Variants in SCGN observed in about 807,000 individuals in gnomAD.
SCGN encodes secretagogin, EF-hand calcium binding protein.
In SCGN, 30 loss-of-function variants were observed where a neutral mutation model predicts 39.7. The observed-to-expected ratio is 0.76, with a 90% CI of 0.57 to 1.03. The LOEUF is 1.03. Among genes scored for constraint, SCGN ranks in the 50% least tolerant of loss-of-function variants. SCGN has a pLI of 0.00. For missense variants in SCGN, 353 were observed against 349.4 expected (o/e 1.01, Z -0.08); for synonymous variants, 106 against 114.1 (o/e 0.93, Z 0.45).
At chr6:25,686,938 T>C (rs945269644) in intron 7 of SCGN, among the ~76,000 whole-genome samples, 2 of 152,134 alleles carry the variant, frequency 1.3e-5, no homozygotes, top group African/African-American at 4.8e-5. Context: ...CCCAACACCA[T>C]TTCTTGAATA....
intron 9 of SCGN, among the ~76,000 whole-genome samples, chr6:25,690,534 A>ATG (rs761921138): frequency 1.3e-5 from 2 of 152,180 alleles, no homozygotes; most frequent in Non-Finnish European, 2.9e-5. Flanking sequence ...TATTTTATAG[A>ATG]TGTTCATATT....
intron 10 of SCGN, among the ~76,000 whole-genome samples, chr6:25,696,975 TA>T (rs1759847186): frequency 6.6e-6 from 1 of 152,142 alleles, no homozygotes; most frequent in Admixed American, 6.5e-5. Context: ...TTGTTAGATA[TA>T]AAAGAATGTG....
In SCGN at chr6:25,669,394, A is replaced by G. The variant is rs556782080; in HGVS notation, c.337-117A>G. On this transcript the variant is annotated intron_variant, in intron 4 of 10. Coordinates refer to ENST00000377961, the MANE Select transcript of SCGN (RefSeq NM_006998.4). ...CAAAGAAAGCCTAAAGTTTCCATCA[A>G]AAGTGGAATTTCCATTCAGTTAAGT... 2.2e-4 allele frequency: 197 copies of G among 890,580 alleles called. 3 individuals are homozygous for G. In the South Asian group the frequency reaches 3.2e-3, roughly 15 times the overall value. The allele number at this position is 890,580 out of a possible 1,614,324, so 55.2% of individuals were successfully genotyped here.
Position 25,661,589 on chromosome 6 carries a change from A to G in SCGN, c.191A>G (p.Gln64Arg), listed in dbSNP as rs201621568. ...VMKANLHKVK[Q>R]QFMTTQDASK... ...AAAGCAAATTTGCACAAGGTGAAAC[A>G]GCAGTTTATGACTACCCAAGATGCC... is the stretch of plus-strand genomic sequence containing the variant. The change falls in exon 3 of 11, where the codon CAG becomes CGG. Residue 64 changes from glutamine to arginine, a missense_variant. Coordinates refer to ENST00000377961, the MANE Select transcript of SCGN (RefSeq NM_006998.4). The G allele has an allele frequency of 5.5e-5, 89 of 1,613,692 alleles. No homozygotes were observed. The highest frequency in any genetic ancestry group is 7.0e-5 in the Non-Finnish European group (82 of 1,179,786).
intron 2 of SCGN, among the ~76,000 whole-genome samples, chr6:25,656,169 C>T (rs1760223894): frequency 6.6e-6 from 1 of 152,202 alleles, no homozygotes; most frequent in Non-Finnish European, 1.5e-5. Flanking sequence ...AGTTGAGGAA[C>T]AGTCACCATT....
intron 3 of SCGN, among the ~76,000 whole-genome samples, chr6:25,662,034 T>A (rs116575751): frequency 0.018 from 2,732 of 152,284 alleles, 37 homozygotes; most frequent in Middle Eastern, 0.037. Flanking sequence ...AGGTTAAACT[T>A]CAGCATCAGC....
Position 25,652,291 on chromosome 6 carries a change from C to G in SCGN, c.-113C>G. The G allele has an allele frequency of 2.4e-6, 2 of 843,492 alleles. No individual in the cohort carries two copies. The allele number at this position is 843,492 out of a possible 1,614,324, so 52.3% of individuals were successfully genotyped here. A position where few individuals can be genotyped will look rare whatever the true frequency, so the allele number is the denominator to read the frequency against. ...CCTCCCCAGCAACAGTTACTCAAAG[C>G]TAATCAGATAGCGAAAGAAGCAGGA... On this transcript the variant is annotated 5_prime_UTR_variant, in exon 1 of 11. Coordinates refer to ENST00000377961, the MANE Select transcript of SCGN (RefSeq NM_006998.4).
chr6:25,658,133 G>A (rs943863503), intron 2 of SCGN, among the ~76,000 whole-genome samples: 2 of 141,016 alleles, frequency 1.4e-5, no homozygotes, highest in Admixed American at 7.7e-5. Context: ...TCCGCCTCAC[G>A]GGTTCAAGCT....
At chr6:25,693,829 T>G (rs1023959946) in intron 10 of SCGN, among the ~76,000 whole-genome samples, 20 of 152,204 alleles carry the variant, frequency 1.3e-4, no homozygotes, top group South Asian at 2.1e-4. Context: ...GATTCTAGGC[T>G]GACCCCCTGG....
intron 4 of SCGN, among the ~76,000 whole-genome samples, chr6:25,666,605 TA>T (rs1760428685): frequency 6.6e-6 from 1 of 152,216 alleles, no homozygotes; most frequent in Non-Finnish European, 1.5e-5. Context: ...GCAGATTCAT[TA>T]GAGAAAAACT....
At chr6:25,658,125 C>T (rs151157404) in intron 2 of SCGN, among the ~76,000 whole-genome samples, 9 of 141,538 alleles carry the variant, frequency 6.4e-5, no homozygotes, top group South Asian at 2.3e-4. Context: ...TTGCAACCTC[C>T]GCCTCACGGG....
At position 25,670,069 on chromosome 6, in the gene SCGN, G is replaced by A; in HGVS notation, c.464G>A (p.Gly155Asp). The change falls in exon 6 of 11, where the codon GGC becomes GAC. Residue 155 changes from glycine to aspartate, a missense_variant. Coordinates refer to ENST00000377961, the MANE Select transcript of SCGN (RefSeq NM_006998.4). ...GAGGCTAAACTGGAAGAATACACTG[G>A]CACCATGGTAAGTAATGAGTAATGT... ...ISEAKLEEYT[G>D]TMMKIFDRNK... 1.2e-6 allele frequency: 2 copies of A among 1,609,908 alleles called. No homozygotes were observed. Among genetic ancestry groups the A allele is most frequent in the South Asian group, 1.1e-5 (1 of 90,986 alleles).
chr6:25,672,864 G>T (rs1052609703), intron 6 of SCGN, among the ~76,000 whole-genome samples: 1 of 152,122 alleles, frequency 6.6e-6, no homozygotes, highest in Non-Finnish European at 1.5e-5. Flanking sequence ...GAAGAGGTGA[G>T]AACTAAATAT....
chr6:25,685,664 A>ATAAT (rs1476540736), intron 7 of SCGN, among the ~76,000 whole-genome samples: 1 of 152,142 alleles, frequency 6.6e-6, no homozygotes, highest in African/African-American at 2.4e-5. Context: ...AATTATAATT[A>ATAAT]TAATTATACA....
At chr6:25,659,621 T>A (rs1321157467) in intron 2 of SCGN, among the ~76,000 whole-genome samples, 1 of 152,218 alleles carries the variant, frequency 6.6e-6, no homozygotes, top group Non-Finnish European at 1.5e-5. Context: ...GATTTATAGT[T>A]GCAGCAATGG....
intron 9 of SCGN, among the ~76,000 whole-genome samples, chr6:25,690,415 A>C (rs2151382637): frequency 6.6e-6 from 1 of 152,344 alleles, no homozygotes; most frequent in South Asian, 2.1e-4. Context: ...AAGGGAATGG[A>C]ATTTTTAAAA....
intron 2 of SCGN, among the ~76,000 whole-genome samples, chr6:25,653,726 A>T (rs1760175889): frequency 6.6e-6 from 1 of 152,204 alleles, no homozygotes; most frequent in South Asian, 2.1e-4. Flanking sequence ...TTGGTCTTGA[A>T]CGTCTCCTTG....
chr6:25,672,442 G>T (rs1161785001), intron 6 of SCGN, among the ~76,000 whole-genome samples: 2 of 152,208 alleles, frequency 1.3e-5, no homozygotes, highest in African/African-American at 4.8e-5. Flanking sequence ...AGCATTTGGG[G>T]TAGGGGACTG....
In SCGN at chr6:25,697,467, A is replaced by G. The variant is rs1479894409; in HGVS notation, c.703-3740A>G. Among the ~76,000 whole-genome samples the G allele has an allele frequency of 3.3e-5, 5 of 152,364 alleles. No individual in the cohort carries two copies. In the East Asian group the frequency reaches 5.8e-4, roughly 18 times the overall value. On this transcript the variant is annotated intron_variant, in intron 10 of 10. Transcript: ENST00000377961. ...ATTCAGTTCCTCTAGTGGTCAGAAT[A>G]TGGTCCAGTGTTGGAGTCATGATGA... is the stretch of plus-strand genomic sequence containing the variant.
Sources: gnomAD v4.1 joint callset for allele counts (sites outside exome capture counted in the v4.1 genomes callset) on GRCh38, gnomAD v4.1.1 for gene constraint, MANE v1.5 for transcripts, NCBI Gene and HGNC (gene_info 2026-07-23, HGNC 2026-07-21) for gene names.